The following SRXN1 variants were observed in gnomAD, a reference collection of about 807,000 sequenced individuals.
The protein encoded by SRXN1 is sulfiredoxin 1.
A neutral mutation model predicts 11.0 loss-of-function variants in SRXN1; 11 were observed. The ratio of observed to expected loss-of-function variants is 1.00; its 90% CI spans 0.63 to 1.65. The LOEUF is 1.65. Ranked by LOEUF, SRXN1 falls within the 40% of genes most tolerant of loss-of-function variation. SRXN1 has a pLI of 0.00. For missense variants in SRXN1, 211 were observed against 194.5 expected, an observed-to-expected ratio of 1.08 and a Z score of -0.50; for synonymous variants, 106 against 92.8, an observed-to-expected ratio of 1.14 and a Z score of -0.82.
At position 647,691 on chromosome 20, in the gene SRXN1, C is replaced by T. The variant is rs913050285; in HGVS notation, c.*1023G>A. 3.8e-5 allele frequency: 11 copies of T among 291,264 alleles called. No individual in the cohort carries two copies. Among genetic ancestry groups the T allele is most frequent in the South Asian group, 3.7e-4 (11 of 29,916 alleles). The allele number at this position is 291,264 out of a possible 1,614,324, so 18.0% of individuals were successfully genotyped here. ...CAGGCCCAGCTGAGGTAACAGCTGA[C>T]CTTAGCTCCATGAGGGATCCCAGGT... On this transcript the variant is annotated 3_prime_UTR_variant, in exon 2 of 2. Coordinates refer to ENST00000381962, the MANE Select transcript of SRXN1 (RefSeq NM_080725.3).
intron 1 of SRXN1, among the ~76,000 whole-genome samples, chr20:649,968 G>A (rs1412307888): frequency 1.3e-5 from 2 of 152,184 alleles, no homozygotes; most frequent in African/African-American, 4.8e-5. Flanking sequence ...TATGACCTGA[G>A]GGAAGAACGT....
chr20:651,945 C>T (rs1386686741), intron 1 of SRXN1, among the ~76,000 whole-genome samples: 3 of 152,192 alleles, frequency 2.0e-5, no homozygotes, highest in Non-Finnish European at 4.4e-5. Flanking sequence ...ATTGTGGCAA[C>T]AGATAAGATG....
intron 1 of SRXN1, among the ~76,000 whole-genome samples, 189 bp from the exon 2 acceptor site, chr20:649,106 G>T (rs563337941): frequency 1.3e-5 from 2 of 152,314 alleles, no homozygotes; most frequent in East Asian, 3.9e-4. Flanking sequence ...TCAGCCATGG[G>T]AGAGTATTTA....
chr20:646,782 G>T lies in SRXN1; in HGVS notation c.*1932C>A, dbSNP rs1983545668. On this transcript the variant is annotated 3_prime_UTR_variant, in exon 2 of 2. Coordinates refer to ENST00000381962, the MANE Select transcript of SRXN1 (RefSeq NM_080725.3). ...TGTCAAAACCAAGAGACTGAAATTG[G>T]TATATTAACTAAAATTCAGACTTTT... 1 of 151,986 alleles carries T rather than the reference G, an allele frequency of 6.6e-6. No individual in the cohort carries two copies. Among genetic ancestry groups the T allele is most frequent in the Non-Finnish European group, 1.5e-5 (1 of 68,018 alleles). The allele number at this position is 151,986 out of a possible 1,614,324, so 9.4% of individuals were successfully genotyped here. A position where few individuals can be genotyped will look rare whatever the true frequency, so the allele number is the denominator to read the frequency against.
intron 1 of SRXN1, among the ~76,000 whole-genome samples, chr20:649,919 T>C (rs1983631204): frequency 6.6e-6 from 1 of 152,214 alleles, no homozygotes; most frequent in African/African-American, 2.4e-5. Flanking sequence ...CTTCAAACCA[T>C]GCTTGGCACA....
In SRXN1 at chr20:653,088, A is replaced by G; in HGVS notation, c.98T>C (p.Ile33Thr). 6.7e-7 allele frequency: 1 copy of G among 1,483,120 alleles called. No homozygotes were observed. Among genetic ancestry groups the G allele is most frequent in the Non-Finnish European group, 8.9e-7 (1 of 1,119,344 alleles). 91.9% of individuals were successfully genotyped at this position (1,483,120 alleles called of 1,614,324 possible). A position where few individuals can be genotyped will look rare whatever the true frequency, so the allele number is the denominator to read the frequency against. Residue 33 changes from isoleucine to threonine, a missense_variant, in exon 1 of 2, where the codon ATC becomes ACC. Ile to Thr is a moderately conservative substitution (Grantham distance 89). Transcript: ENST00000381962. The stretch of plus-strand genomic sequence containing the variant: ...CACCGCGGCGATGCGGCCCGAGTGG[A>G]TGCTGCCGCCCTGCGCGCCGCCGCT... ...GPSGGAQGGS[I>T]HSGRIAAVHN... is the part of the protein sequence containing the mutation.
At chr20:652,371 A>C (rs945602253) in intron 1 of SRXN1, among the ~76,000 whole-genome samples, 3 of 152,152 alleles carry the variant, frequency 2.0e-5, no homozygotes, top group Non-Finnish European at 2.9e-5. Context: ...TTCCTGCCAG[A>C]ATCACTCCGG....
intron 1 of SRXN1, among the ~76,000 whole-genome samples, chr20:650,831 C>G (rs1338466754): frequency 6.6e-6 from 1 of 152,240 alleles, no homozygotes; most frequent in East Asian, 1.9e-4. Context: ...CCAGGCAGGC[C>G]TTGTGCCGGG....
intron 1 of SRXN1, among the ~76,000 whole-genome samples, chr20:650,368 G>A (rs552026795): frequency 6.6e-6 from 1 of 151,356 alleles, no homozygotes; most frequent in East Asian, 1.9e-4. Flanking sequence ...AGGCCCAAGG[G>A]GTCTGGCAGA....
rs1983726213 is a variant in SRXN1 at position 653,168 on chromosome 20, T to C, written c.18A>G (p.Gly6=). 2 of 1,264,370 alleles carry C rather than the reference T, an allele frequency of 1.6e-6. No individual in the cohort carries two copies. The highest frequency in any genetic ancestry group is 1.6e-5 in the African/African-American group (1 of 62,778). The allele number at this position is 1,264,370 out of a possible 1,614,324, so 78.3% of individuals were successfully genotyped here. ...CCGCGCCGGCCCTGCCCAGCGTTCC[T>C]CCTGCACGCAGCCCCATCGTCGCCG... MGLRA[G]GTLGRAGAGR... Residue 6 remains glycine (G), a synonymous_variant, in exon 1 of 2, where the codon GGA becomes GGG. Coordinates refer to ENST00000381962, the MANE Select transcript of SRXN1 (RefSeq NM_080725.3).
chr20:652,096 G>A (rs1181423896), intron 1 of SRXN1, among the ~76,000 whole-genome samples: 1 of 152,216 alleles, frequency 6.6e-6, no homozygotes, highest in Non-Finnish European at 1.5e-5. Flanking sequence ...GGGAGAGCTA[G>A]AGAGGCCAGT....
intron 1 of SRXN1, 59 bp downstream of exon 1, chr20:652,917 C>G: frequency 1.1e-6 from 1 of 941,342 alleles, no homozygotes; most frequent in Non-Finnish European, 1.3e-6. Context: ...CTCCCTCCTC[C>G]GGCAACCTCC....
Position 653,134 on chromosome 20 carries a change from C to A in SRXN1, c.52G>T (p.Ala18Ser), listed in dbSNP as rs1200648804. The change falls in exon 1 of 2, where the codon GCG becomes TCG. Residue 18 changes from alanine to serine, a missense_variant. Physicochemically the swap from Ala to Ser is moderately conservative, Grantham distance 99. Transcript: ENST00000381962. ...CCGCTCGGCCCGGGCCCCTCGGGCGCCCCCCGACCCGCGCCGGCCCTGCCC... is the reference window on the plus strand; with the variant it reads ...CCGCTCGGCCCGGGCCCCTCGGGCGACCCCCGACCCGCGCCGGCCCTGCCC... ...TLGRAGAGRGAPEGPGPSGGA... is the reference protein window; with the variant it reads ...TLGRAGAGRGSPEGPGPSGGA... The A allele has an allele frequency of 1.6e-6, 2 of 1,288,698 alleles. No individual in the cohort carries two copies. Among genetic ancestry groups the A allele is most frequent in the Non-Finnish European group, 2.0e-6 (2 of 1,024,634 alleles). The allele number at this position is 1,288,698 out of a possible 1,614,324, so 79.8% of individuals were successfully genotyped here. A position where few individuals can be genotyped will look rare whatever the true frequency, so the allele number is the denominator to read the frequency against.
At chr20:652,834 C>T (rs1471423474) in intron 1 of SRXN1, 142 bp downstream of exon 1, 2 of 1,259,680 alleles carry the variant, frequency 1.6e-6, no homozygotes, top group Non-Finnish European at 2.0e-6. Context: ...CAGCTACTTG[C>T]TCAAGGTCAC....
chr20:650,306 G>A (rs1983639950), intron 1 of SRXN1, among the ~76,000 whole-genome samples: 1 of 152,204 alleles, frequency 6.6e-6, no homozygotes, highest in Admixed American at 6.5e-5. Flanking sequence ...TCTGGATGAT[G>A]GTGTGGTGGG....
chr20:651,832 C>T (rs1013626274), intron 1 of SRXN1, among the ~76,000 whole-genome samples: 17 of 152,074 alleles, frequency 1.1e-4, no homozygotes, highest in Non-Finnish European at 1.9e-4. Flanking sequence ...TGAGAAACGA[C>T]AAGGCAGAGA....
intron 1 of SRXN1, among the ~76,000 whole-genome samples, chr20:650,544 G>A (rs558859282): frequency 1.6e-4 from 25 of 152,328 alleles, no homozygotes; most frequent in African/African-American, 4.3e-4. Context: ...TGTGAGCGGC[G>A]TGGAAGGCCT....
In SRXN1 at chr20:648,628, G is replaced by C. The variant is rs1208783190; in HGVS notation, c.*86C>G. Reference sequence around the variant, plus strand: ...CCAGGTGCAAAGAGAATGCACCCCTGCTATCCCTTCTGCATGGCCCAGCCT... The same window carrying C: ...CCAGGTGCAAAGAGAATGCACCCCTCCTATCCCTTCTGCATGGCCCAGCCT... On this transcript the variant is annotated 3_prime_UTR_variant, in exon 2 of 2. Transcript: ENST00000381962. The C allele has an allele frequency of 1.0e-5, 15 of 1,460,178 alleles. No homozygotes were observed. The highest frequency in any genetic ancestry group is 1.0e-5 in the Non-Finnish European group (11 of 1,049,400). The allele number at this position is 1,460,178 out of a possible 1,614,324, so 90.5% of individuals were successfully genotyped here.
Position 647,458 on chromosome 20 carries a change from C to T in SRXN1, c.*1256G>A, listed in dbSNP as rs191912798. ...ATTTGCTCTGACCAAAAGAACTTAG[C>T]AGAAGTGACACTGTCCTAGTCCCAG... On this transcript the variant is annotated 3_prime_UTR_variant, in exon 2 of 2. Coordinates refer to ENST00000381962, the MANE Select transcript of SRXN1 (RefSeq NM_080725.3). 11 of 153,860 alleles carry T rather than the reference C, an allele frequency of 7.1e-5. No individual in the cohort carries two copies. Among genetic ancestry groups the T allele is most frequent in the African/African-American group, 2.6e-4 (11 of 41,576 alleles). 9.5% of individuals were successfully genotyped at this position (153,860 alleles called of 1,614,324 possible).
Sources: gnomAD v4.1 joint callset for allele counts (sites outside exome capture counted in the v4.1 genomes callset) on GRCh38, gnomAD v4.1.1 for gene constraint, MANE v1.5 for transcripts, NCBI Gene and HGNC (gene_info 2026-07-23, HGNC 2026-07-21) for gene names.